LRRC74A: variants seen among roughly 807,000 people sequenced by gnomAD.
LRRC74A encodes the protein leucine rich repeat containing 74A.
In LRRC74A, 44 loss-of-function variants were observed where a neutral mutation model predicts 57.9. That is an observed-to-expected ratio of 0.76 (90% CI 0.60 to 0.98). The LOEUF (loss-of-function observed/expected upper bound fraction) is 0.98, where lower values mean the gene tolerates loss of function less well. LRRC74A is among the 50% of genes least tolerant of loss of function. The pLI is 0.00. For synonymous variants in LRRC74A, 211 were observed against 219.4 expected, an observed-to-expected ratio of 0.96 and a Z score of 0.34; for missense variants, 572 against 574.0, an observed-to-expected ratio of 1.00 and a Z score of 0.04.
At chr14:76,859,662 C>CTTTTTTTTTTTTTTTTTT (rs1025552496) in intron 10 of LRRC74A, among the ~76,000 whole-genome samples, 3 of 80,900 alleles carry the variant, frequency 3.7e-5, no homozygotes, top group Non-Finnish European at 4.6e-5. Flanking sequence ...CTGAATTAGC[C>CTTTTTTTTTTTTTTTTTT]TTTTTTTTTT....
intron 9 of LRRC74A, among the ~76,000 whole-genome samples, chr14:76,856,416 GA>G (rs1395224269): frequency 6.6e-6 from 1 of 152,188 alleles, no homozygotes; most frequent in Non-Finnish European, 1.5e-5. Flanking sequence ...TAAGTTACCC[GA>G]GGGCAGAAAC....
At position 76,866,044 on chromosome 14, in the gene LRRC74A, C is replaced by A; in HGVS notation, c.1277C>A (p.Ser426Tyr). 6.3e-7 allele frequency: 1 copy of A among 1,590,232 alleles called. No individual in the cohort carries two copies. The highest frequency in any genetic ancestry group is 8.6e-7 in the Non-Finnish European group (1 of 1,161,880). The change falls in exon 12 of 14, where the codon TCT becomes TAT. Residue 426 changes from serine to tyrosine, a missense_variant. Transcript: ENST00000689127. ...AACCCCACTGGGACAATGAAGATGT[C>A]TGTGGATGAGTTCCAGAAAGTGATG... ...SLNPTGTMKM[S>Y]VDEFQKVMIE...
At chr14:76,837,769 C>A (rs1338936190) in intron 4 of LRRC74A, 106 bp from the exon 5 acceptor site, 2 of 633,530 alleles carry the variant, frequency 3.2e-6, no homozygotes, top group Non-Finnish European at 5.6e-6. Context: ...CACCCCAACC[C>A]TACTCCCTCA....
At chr14:76,866,470 G>A (rs1466955841) in intron 12 of LRRC74A, among the ~76,000 whole-genome samples, 1 of 152,060 alleles carries the variant, frequency 6.6e-6, no homozygotes, top group African/African-American at 2.4e-5. Context: ...CATTCCTCTC[G>A]CTCCCCATGT....
At chr14:76,837,539 T>A (rs1896440477) in intron 4 of LRRC74A, among the ~76,000 whole-genome samples, 1 of 152,210 alleles carries the variant, frequency 6.6e-6, no homozygotes, top group South Asian at 2.1e-4. Flanking sequence ...CAAATGAAGC[T>A]GTTTTGGGTT....
In LRRC74A at chr14:76,831,317, A is replaced by T; in HGVS notation, c.281A>T (p.Asn94Ile). The change falls in exon 3 of 14, where the codon AAC becomes ATC. Residue 94 changes from asparagine (N) to isoleucine (I), a missense_variant. Physicochemically the swap from Asn to Ile is moderately radical, Grantham distance 149 (BLOSUM62 -3). Transcript: ENST00000689127. ...FIRNMEESYV[N>I]LNHHGLGPRG... ...CGGAACATGGAGGAGTCCTACGTGA[A>T]CCTCAACCACCACGGCCTGGGCCCC... The T allele has an allele frequency of 2.5e-6, 4 of 1,613,920 alleles. No individual in the cohort carries two copies. Among genetic ancestry groups the T allele is most frequent in the Non-Finnish European group, 3.4e-6 (4 of 1,179,874 alleles).
At chr14:76,859,778 C>A (rs1898166316) in intron 10 of LRRC74A, among the ~76,000 whole-genome samples, 1 of 149,202 alleles carries the variant, frequency 6.7e-6, no homozygotes. Context: ...CAGGTTCAAG[C>A]GATTCTCCTG....
chr14:76,850,664 C>T (rs896677407), intron 7 of LRRC74A, among the ~76,000 whole-genome samples: 2 of 151,778 alleles, frequency 1.3e-5, no homozygotes, highest in African/African-American at 4.8e-5. Context: ...GTCAGGAGTT[C>T]GAGACCAGCC....
intron 11 of LRRC74A, among the ~76,000 whole-genome samples, chr14:76,863,733 G>A (rs1451789497): frequency 6.6e-6 from 1 of 152,204 alleles, no homozygotes; most frequent in Non-Finnish European, 1.5e-5. Flanking sequence ...GCACACGGGG[G>A]TTTATTACAG....
Position 76,860,956 on chromosome 14 carries a change from T to C in LRRC74A, c.1200+117T>C, listed in dbSNP as rs889005362. The C allele has an allele frequency of 1.5e-5, 15 of 985,616 alleles. No homozygotes were observed. In the African/African-American group the frequency reaches 2.0e-4, roughly 13 times the overall value. The allele number at this position is 985,616 out of a possible 1,614,324, so 61.1% of individuals were successfully genotyped here. A position where few individuals can be genotyped will look rare whatever the true frequency, so the allele number is the denominator to read the frequency against. The stretch of plus-strand genomic sequence containing the variant: ...ACAGTGTCTGTACAACCCTCTCTGA[T>C]AAGGAATGTCTCAGTCCCTTGGACA... On this transcript the variant is annotated intron_variant, in intron 11 of 13. Transcript: ENST00000689127.
intron 11 of LRRC74A, 72 bp downstream of exon 11, chr14:76,860,911 T>G (rs45536531): frequency 0.47 from 649,158 of 1,382,946 alleles, 154,599 homozygotes; most frequent in East Asian, 0.53. Flanking sequence ...CCAAATCAGT[T>G]TCCAGACTTC....
At chr14:76,834,894 C>T (rs911738060) in intron 3 of LRRC74A, among the ~76,000 whole-genome samples, 2 of 152,164 alleles carry the variant, frequency 1.3e-5, no homozygotes, top group African/African-American at 4.8e-5. Flanking sequence ...AGAGCTGAGA[C>T]CAGAAGACAT....
intron 5 of LRRC74A, among the ~76,000 whole-genome samples, chr14:76,842,741 A>C (rs72721314): frequency 6.6e-6 from 1 of 151,430 alleles, no homozygotes; most frequent in Admixed American, 6.6e-5. Context: ...GGTGGTAGAG[A>C]TTATTGAGGG....
Position 76,869,736 on chromosome 14 carries a change from T to C in LRRC74A, c.1392-389T>C, listed in dbSNP as rs1428486166. On this transcript the variant is annotated intron_variant, in intron 13 of 13. Coordinates refer to ENST00000689127, the MANE Select transcript of LRRC74A (RefSeq NM_001385106.1). ...GAGATCGCACCATTGCACTACAGCC[T>C]GGGTGACAGAGTAAGACTCCATCTA... Among the ~76,000 whole-genome samples, 4 of 146,582 alleles carry C rather than the reference T, an allele frequency of 2.7e-5. No individual in the cohort carries two copies. In the Admixed American group the frequency reaches 2.8e-4, roughly 10 times the overall value.
At chr14:76,867,957 G>A (rs994644339) in intron 13 of LRRC74A, among the ~76,000 whole-genome samples, 1 of 152,216 alleles carries the variant, frequency 6.6e-6, no homozygotes, top group South Asian at 2.1e-4. Flanking sequence ...GCAAGTGAGG[G>A]ATGCTGTATC....
intron 4 of LRRC74A, among the ~76,000 whole-genome samples, chr14:76,836,524 G>A (rs1896352815): frequency 6.6e-6 from 1 of 152,210 alleles, no homozygotes; most frequent in Admixed American, 6.5e-5. Flanking sequence ...TTATGGCTGG[G>A]CGCGGTGGCT....
At chr14:76,864,127 C>T (rs1351077300) in intron 11 of LRRC74A, among the ~76,000 whole-genome samples, 1 of 152,214 alleles carries the variant, frequency 6.6e-6, no homozygotes, top group Non-Finnish European at 1.5e-5. Context: ...CCATAGCGCT[C>T]AGCAGCAGTG....
chr14:76,856,812 A>G (rs1897923130), intron 9 of LRRC74A, among the ~76,000 whole-genome samples: 1 of 151,456 alleles, frequency 6.6e-6, no homozygotes, highest in Admixed American at 6.6e-5. Flanking sequence ...GGATGGATGG[A>G]TGGATGCATG....
chr14:76,837,840 T>C, intron 4 of LRRC74A, 35 bp from the exon 5 acceptor site: 1 of 1,365,336 alleles, frequency 7.3e-7, no homozygotes, highest in Non-Finnish European at 1.0e-6. Context: ...TTTGGTGAGC[T>C]TTTTTACATA....
Sources: allele counts gnomAD v4.1 joint callset (sites outside exome capture counted in the v4.1 genomes callset), GRCh38; gene constraint gnomAD v4.1.1; transcripts MANE v1.5; gene names NCBI Gene and HGNC (gene_info 2026-07-23, HGNC 2026-07-21).